C10orf143: variants seen among roughly 807,000 people sequenced by gnomAD.
C10orf143 encodes the protein uncharacterized protein C10orf143.
At chr10:130,077,232 A>G (rs1274823073) in intron 3 of C10orf143, among the ~76,000 whole-genome samples, 1 of 152,188 alleles carries the variant, frequency 6.6e-6, no homozygotes, top group East Asian at 1.9e-4. Context: ...AAGTCCTTGC[A>G]TATGAGAAAA....
At chr10:130,037,631 T>G (rs1860559505) in intron 3 of C10orf143, among the ~76,000 whole-genome samples, 1 of 152,236 alleles carries the variant, frequency 6.6e-6, no homozygotes, top group South Asian at 2.1e-4. Flanking sequence ...CCACTGAGGC[T>G]AGAGCCACAA....
At position 130,101,951 on chromosome 10, in the gene C10orf143, A is replaced by T. The variant is rs539291797; in HGVS notation, c.69+8753T>A. The stretch of plus-strand genomic sequence containing the variant: ...CAAACCTGTCCTATAAGAAATGTTT[A>T]AAAAAAATTCCTTCAGGCAGAAAAC... On this transcript the variant is annotated intron_variant, in intron 1 of 3. Coordinates refer to ENST00000637128, the MANE Select transcript of C10orf143 (RefSeq NM_001355042.2). 3.0e-3 allele frequency among the ~76,000 whole-genome samples: 454 copies of T among 151,528 alleles called. 1 individual carries two copies. The highest frequency in any genetic ancestry group is 5.3e-3 in the Non-Finnish European group (359 of 67,860).
chr10:130,076,468 G>A (rs1861120540), intron 3 of C10orf143, among the ~76,000 whole-genome samples: 1 of 152,148 alleles, frequency 6.6e-6, no homozygotes, highest in South Asian at 2.1e-4. Context: ...AGGCTGACCA[G>A]TGACCCAGTA....
At chr10:130,096,963 T>A (rs1026503301) in intron 1 of C10orf143, among the ~76,000 whole-genome samples, 5 of 150,606 alleles carry the variant, frequency 3.3e-5, no homozygotes, top group South Asian at 2.1e-4. Context: ...TTTAATTTTT[T>A]AATTTTTTTT....
downstream of C10orf143, among the ~76,000 whole-genome samples, chr10:130,062,128 T>C (rs552870998): frequency 2.0e-5 from 3 of 152,308 alleles, no homozygotes; most frequent in East Asian, 5.8e-4. Context: ...TTTCATGGCC[T>C]GTACTAAAAT....
intron 3 of C10orf143, among the ~76,000 whole-genome samples, chr10:130,069,375 C>T (rs1003490514): frequency 6.6e-6 from 1 of 152,128 alleles, no homozygotes; most frequent in Non-Finnish European, 1.5e-5. Context: ...TAAGACATCC[C>T]CAGATAAACA....
At chr10:130,081,412 A>T (rs1419691903) in intron 1 of C10orf143, among the ~76,000 whole-genome samples, 2 of 152,252 alleles carry the variant, frequency 1.3e-5, no homozygotes, top group East Asian at 3.9e-4. Context: ...TACAAGGCAG[A>T]GCAAGTACAC....
chr10:130,069,000 A>G (rs1435729681), intron 3 of C10orf143, among the ~76,000 whole-genome samples: 1 of 152,218 alleles, frequency 6.6e-6, no homozygotes, highest in Non-Finnish European at 1.5e-5. Flanking sequence ...AATAATGGCC[A>G]AAGACTTCGC....
intron 3 of C10orf143, chr10:130,067,923 G>C (rs1860963542): frequency 6.6e-6 from 1 of 152,520 alleles, no homozygotes; most frequent in African/African-American, 2.4e-5. Flanking sequence ...ATTACAAAAG[G>C]ATTTGTCACA....
At chr10:130,061,195 G>T (rs1860854141), downstream of C10orf143, among the ~76,000 whole-genome samples, 1 of 152,108 alleles carries the variant, frequency 6.6e-6, no homozygotes, top group Admixed American at 6.5e-5. Context: ...TATTCACATA[G>T]AAAAAATTTT....
At chr10:130,108,610 TTATAAG>T (rs1015440919) in intron 1 of C10orf143, 26 of 520,914 alleles carry the variant, frequency 5.0e-5, no homozygotes, top group African/African-American at 4.4e-4. Flanking sequence ...AATATGAATC[TTATAAG>T]TAAATTATTT....
intron 3 of C10orf143, among the ~76,000 whole-genome samples, chr10:130,073,866 G>A (rs528437136): frequency 6.6e-6 from 1 of 152,220 alleles, no homozygotes; most frequent in Non-Finnish European, 1.5e-5. Context: ...ACTGCTAGAT[G>A]CTAAATCTGA....
intron 3 of C10orf143, among the ~76,000 whole-genome samples, chr10:130,039,585 C>G (rs1427205471): frequency 6.6e-6 from 1 of 152,154 alleles, no homozygotes; most frequent in Non-Finnish European, 1.5e-5. Context: ...AGGCCTTTTC[C>G]AGAAACATTC....
At chr10:130,039,180 T>C (rs1860578513) in intron 3 of C10orf143, among the ~76,000 whole-genome samples, 1 of 152,198 alleles carries the variant, frequency 6.6e-6, no homozygotes, top group Non-Finnish European at 1.5e-5. Context: ...CATCTGTGTA[T>C]TGGCCAGTGT....
intron 3 of C10orf143, among the ~76,000 whole-genome samples, chr10:130,069,926 A>T (rs1861003287): frequency 6.6e-6 from 1 of 151,800 alleles, no homozygotes; most frequent in African/African-American, 2.4e-5. Context: ...TGCTAATAGC[A>T]TCCTCGTCCT....
Position 130,047,524 on chromosome 10 carries a change from C to T in C10orf143, c.298-11554G>A, listed in dbSNP as rs142629043. On this transcript the variant is annotated intron_variant and NMD_transcript_variant, in intron 3 of 5. Transcript: ENST00000643056. The stretch of plus-strand genomic sequence containing the variant: ...ATGCCCACAGCTCTCAACCTGCAGC[C>T]GCTTTCTCAAATTCCTGGATTCCTG... 2.3e-4 allele frequency among the ~76,000 whole-genome samples: 35 copies of T among 152,274 alleles called. 2 individuals are homozygous for T. The East Asian group carries it at 6.4e-3, about 28-fold the overall frequency.
chr10:130,081,122 G>A (rs1012377183), intron 1 of C10orf143, among the ~76,000 whole-genome samples: 9 of 152,020 alleles, frequency 5.9e-5, no homozygotes, highest in African/African-American at 2.2e-4. Flanking sequence ...GATTCTGAAA[G>A]GCTAAAAATA....
intron 1 of C10orf143, chr10:130,107,879 T>C (rs1158865945): frequency 1.6e-6 from 2 of 1,276,250 alleles, no homozygotes; most frequent in Non-Finnish European, 2.3e-6. Flanking sequence ...AGCGCAATCA[T>C]ATCTTGATTC....
intron 1 of C10orf143, among the ~76,000 whole-genome samples, chr10:130,091,957 G>C (rs1008377259): frequency 7.9e-5 from 12 of 152,334 alleles, no homozygotes; most frequent in Admixed American, 3.3e-4. Context: ...ACCTGAAAGT[G>C]ACAGGGAGAA....
Sources: allele counts gnomAD v4.1 joint callset (sites outside exome capture counted in the v4.1 genomes callset), GRCh38; gene constraint gnomAD v4.1.1; transcripts MANE v1.5; gene names NCBI Gene and HGNC (gene_info 2026-07-23, HGNC 2026-07-21).